Variants in EXT1 observed in about 807,000 individuals in gnomAD.
EXT1 encodes exostosin-1.
Under a neutral mutation model 82.5 loss-of-function variants are expected in EXT1, and 20 were observed. The ratio of observed to expected loss-of-function variants is 0.24; its 90% CI spans 0.17 to 0.35. The LOEUF is 0.35. EXT1 is among the 10% of genes least tolerant of loss of function. The pLI is 1.00. For synonymous variants in EXT1, 348 were observed against 350.8 expected (o/e 0.99, Z 0.09); for missense variants, 757 against 936.5 (o/e 0.81, Z 2.50).
chr8:118,049,012 C>A (rs992172795), intron 1 of EXT1, among the ~76,000 whole-genome samples: 2 of 152,172 alleles, frequency 1.3e-5, no homozygotes, highest in South Asian at 2.1e-4. Flanking sequence ...CCACTCCCCC[C>A]AGAAGAAATC....
chr8:117,805,583 G>C (rs896895525), intron 9 of EXT1, among the ~76,000 whole-genome samples: 1 of 152,156 alleles, frequency 6.6e-6, no homozygotes, highest in Non-Finnish European at 1.5e-5. Flanking sequence ...TTCTTAGAGT[G>C]GTGGTGGCAG....
chr8:117,847,868 A>G (rs981395635), intron 1 of EXT1, among the ~76,000 whole-genome samples: 1 of 150,350 alleles, frequency 6.7e-6, no homozygotes, highest in African/African-American at 2.4e-5. Context: ...TGGCCCCTGC[A>G]CTTAAGTGGT....
At chr8:117,868,475 A>C (rs1402761571) in intron 1 of EXT1, among the ~76,000 whole-genome samples, 1 of 152,188 alleles carries the variant, frequency 6.6e-6, no homozygotes, top group Non-Finnish European at 1.5e-5. Context: ...TTTTTGAGAC[A>C]GGGTCTCATT....
chr8:117,960,931 C>T (rs1467695925), intron 1 of EXT1, among the ~76,000 whole-genome samples: 1 of 152,148 alleles, frequency 6.6e-6, no homozygotes. Context: ...AGATGGTCTA[C>T]ACTACACACT....
intron 1 of EXT1, among the ~76,000 whole-genome samples, chr8:117,937,595 C>A (rs560612462): frequency 5.8e-4 from 88 of 152,258 alleles, no homozygotes; most frequent in Non-Finnish European, 1.1e-3. Context: ...TGACACAAAG[C>A]AAGCTCTTGT....
chr8:118,048,877 A>G (rs1816671995), intron 1 of EXT1, among the ~76,000 whole-genome samples: 1 of 152,210 alleles, frequency 6.6e-6, no homozygotes, highest in South Asian at 2.1e-4. Flanking sequence ...AGGAATGAAT[A>G]TTATCTATCC....
chr8:117,986,348 C>T (rs1815319710), intron 1 of EXT1, among the ~76,000 whole-genome samples: 3 of 152,094 alleles, frequency 2.0e-5, no homozygotes, highest in Non-Finnish European at 4.4e-5. Flanking sequence ...CACCACCACG[C>T]CTGGCTAAGT....
intron 10 of EXT1, among the ~76,000 whole-genome samples, chr8:117,803,898 C>T (rs1823202074): frequency 6.6e-6 from 1 of 152,146 alleles, no homozygotes; most frequent in South Asian, 2.1e-4. Flanking sequence ...CAGAAGGTTA[C>T]TGACTTGCCT....
chr8:117,931,329 A>G (rs576421726), intron 1 of EXT1, among the ~76,000 whole-genome samples: 31 of 152,346 alleles, frequency 2.0e-4, no homozygotes, highest in African/African-American at 7.2e-4. Flanking sequence ...ATACTCACAC[A>G]GACATACATA....
intron 4 of EXT1, among the ~76,000 whole-genome samples, chr8:117,826,373 A>C (rs1156850603): frequency 6.6e-6 from 1 of 152,204 alleles, no homozygotes; most frequent in Admixed American, 6.5e-5. Flanking sequence ...AAAGACCTAG[A>C]GTCTGAGTAC....
chr8:117,829,397 C>T (rs1449490479), intron 4 of EXT1, among the ~76,000 whole-genome samples: 1 of 151,934 alleles, frequency 6.6e-6, no homozygotes, highest in African/African-American at 2.4e-5. Flanking sequence ...TGGGTATGAT[C>T]CTGATTCTCC....
chr8:117,925,330 G>C (rs1456278644), intron 1 of EXT1, among the ~76,000 whole-genome samples: 1 of 147,056 alleles, frequency 6.8e-6, no homozygotes, highest in Non-Finnish European at 1.5e-5. Context: ...CATAATTGTT[G>C]AAGAATGAGT....
chr8:117,971,594 T>C (rs1235679638), intron 1 of EXT1, among the ~76,000 whole-genome samples: 1 of 152,250 alleles, frequency 6.6e-6, no homozygotes, highest in East Asian at 1.9e-4. Context: ...ATAAGCTCTT[T>C]GTGATTATTA....
chr8:118,040,348 G>C (rs1418517425), intron 1 of EXT1, among the ~76,000 whole-genome samples: 1 of 152,106 alleles, frequency 6.6e-6, no homozygotes, highest in East Asian at 1.9e-4. Flanking sequence ...TGGGAGATGG[G>C]GTGGGAAGAA....
intron 1 of EXT1, among the ~76,000 whole-genome samples, chr8:117,916,908 A>G (rs1813764401): frequency 6.6e-6 from 1 of 152,106 alleles, no homozygotes; most frequent in African/African-American, 2.4e-5. Flanking sequence ...CTCTGTCTCA[A>G]AAAGTAATAA....
intron 1 of EXT1, among the ~76,000 whole-genome samples, chr8:117,887,885 A>G (rs1368960515): frequency 6.6e-6 from 1 of 151,804 alleles, no homozygotes; most frequent in East Asian, 1.9e-4. Context: ...CGGGAGTTTG[A>G]GACCTGCCTG....
chr8:118,069,551 A>G (rs1817050968), intron 1 of EXT1, among the ~76,000 whole-genome samples: 1 of 152,184 alleles, frequency 6.6e-6, no homozygotes, highest in Non-Finnish European at 1.5e-5. Context: ...GGTAGGTAGC[A>G]TGTTTGGAAG....
chr8:117,918,869 C>A (rs1813802425), intron 1 of EXT1, among the ~76,000 whole-genome samples: 1 of 152,126 alleles, frequency 6.6e-6, no homozygotes, highest in Non-Finnish European at 1.5e-5. Context: ...ATGAGAATAT[C>A]CACTGACATG....
At chr8:118,016,111 G>T (rs1009431684) in intron 1 of EXT1, among the ~76,000 whole-genome samples, 10 of 152,210 alleles carry the variant, frequency 6.6e-5, no homozygotes, top group African/African-American at 2.4e-4. Context: ...GCCACTCCAG[G>T]CGGGGCGTGG....
Sources: allele counts gnomAD v4.1 joint callset (sites outside exome capture counted in the v4.1 genomes callset), GRCh38; gene constraint gnomAD v4.1.1; transcripts MANE v1.5; gene names NCBI Gene and HGNC (gene_info 2026-07-23, HGNC 2026-07-21).